The following ZFHX3 variants were observed in gnomAD, a reference collection of about 807,000 sequenced individuals.
ZFHX3 encodes the protein zinc finger homeobox 3.
In ZFHX3, 42 loss-of-function variants were observed where a neutral mutation model predicts 279.1. That is an observed-to-expected ratio of 0.15 (90% CI 0.12 to 0.19). ZFHX3 has a LOEUF of 0.19. ZFHX3 is among the 10% of genes least tolerant of loss of function. The pLI, the probability that ZFHX3 is intolerant of heterozygous loss-of-function variation, is 1.00. For synonymous variants in ZFHX3, 2,293 were observed against 1,957.8 expected, an observed-to-expected ratio of 1.17 and a Z score of -4.52; for missense variants, 4,981 against 4,754.0, an observed-to-expected ratio of 1.05 and a Z score of -1.40.
chr16:73,020,210 T>A (rs994746123), intron 1 of ZFHX3, among the ~76,000 whole-genome samples: 16 of 152,206 alleles, frequency 1.1e-4, no homozygotes, highest in African/African-American at 3.9e-4. Context: ...GGCCTGATTT[T>A]AATTTTTTAA....
At chr16:73,480,176 TC>T (rs2018840056) in intron 2 of ZFHX3, among the ~76,000 whole-genome samples, 1 of 152,102 alleles carries the variant, frequency 6.6e-6, no homozygotes. Context: ...TTTTTTTTTT[TC>T]CTTCAGCATT....
intron 3 of ZFHX3, among the ~76,000 whole-genome samples, chr16:73,381,228 T>C (rs2016813390): frequency 6.6e-6 from 1 of 152,184 alleles, no homozygotes; most frequent in Non-Finnish European, 1.5e-5. Flanking sequence ...AAATAGCTTT[T>C]CTTCCCAGAA....
chr16:73,772,277 C>T (rs1818437), intron 1 of ZFHX3, among the ~76,000 whole-genome samples: 34,746 of 152,142 alleles, frequency 0.23, 4,463 homozygotes, highest in Non-Finnish European at 0.29. Flanking sequence ...TCCACATGGC[C>T]GGGGAGACCT....
intron 3 of ZFHX3, 140 bp from the exon 4 acceptor site, chr16:72,890,102 A>C (rs2038733327): frequency 2.7e-6 from 2 of 742,012 alleles, no homozygotes. Flanking sequence ...ACAGTCTTTG[A>C]TATGGTTTGG....
intron 4 of ZFHX3, among the ~76,000 whole-genome samples, chr16:72,857,765 T>G (rs1286123753): frequency 2.0e-5 from 3 of 152,232 alleles, no homozygotes; most frequent in Admixed American, 2.0e-4. Flanking sequence ...AGGAGTTATT[T>G]TTTCCCAACT....
intron 3 of ZFHX3, among the ~76,000 whole-genome samples, chr16:73,352,474 C>CTTTTTTTT (rs35974156): frequency 1.9e-5 from 1 of 53,256 alleles, no homozygotes; most frequent in Non-Finnish European, 3.4e-5. Flanking sequence ...CTCTCTCTCT[C>CTTTTTTTT]TTTTTTTTTT....
At chr16:72,854,212 C>G (rs779027622) in intron 4 of ZFHX3, among the ~76,000 whole-genome samples, 25 of 152,206 alleles carry the variant, frequency 1.6e-4, no homozygotes, top group Non-Finnish European at 1.3e-4. Context: ...CTCTCCCTCC[C>G]CTGCCTGCTA....
At chr16:73,849,918 A>G (rs1961552454) in intron 1 of ZFHX3, among the ~76,000 whole-genome samples, 1 of 152,050 alleles carries the variant, frequency 6.6e-6, no homozygotes, top group Non-Finnish European at 1.5e-5. Context: ...TTTTTAGTAG[A>G]GGCGGGGTTT....
At chr16:73,806,429 G>T (rs1007414249) in intron 1 of ZFHX3, among the ~76,000 whole-genome samples, 1 of 152,186 alleles carries the variant, frequency 6.6e-6, no homozygotes, top group Non-Finnish European at 1.5e-5. Flanking sequence ...AGATGTGCAA[G>T]GCTCTGAGGT....
chr16:73,645,584 C>T (rs1454416441), intron 2 of ZFHX3, among the ~76,000 whole-genome samples: 1 of 152,124 alleles, frequency 6.6e-6, no homozygotes, highest in Non-Finnish European at 1.5e-5. Flanking sequence ...CTAGTTAGCC[C>T]TTAATAAATA....
rs995029450 is a variant in ZFHX3, at chr16:73,857,678, C to A, written c.-1608+33973G>T. ...TGTAAGTCATAACATGCTGCACTTG[C>A]GCTAGGGTTTTTGTTCTGCCCTTTT... is the stretch of plus-strand genomic sequence containing the variant. On this transcript the variant is annotated intron_variant, in intron 1 of 17. Transcript: ENST00000641206. 2.1e-4 allele frequency among the ~76,000 whole-genome samples: 32 copies of A among 152,130 alleles called. 1 individual carries two copies. The highest frequency in any genetic ancestry group is 2.1e-4 in the South Asian group (1 of 4,814).
intron 4 of ZFHX3, among the ~76,000 whole-genome samples, chr16:72,850,983 G>A (rs947716029): frequency 6.6e-6 from 1 of 152,116 alleles, no homozygotes; most frequent in Admixed American, 6.5e-5. Flanking sequence ...GGGCCCAGGA[G>A]CCTGACTGAG....
At chr16:73,836,152 G>A (rs191573849) in intron 1 of ZFHX3, among the ~76,000 whole-genome samples, 1 of 152,190 alleles carries the variant, frequency 6.6e-6, no homozygotes, top group Non-Finnish European at 1.5e-5. Flanking sequence ...ACTTTAAGTA[G>A]GTTGTCTTCA....
chr16:72,919,942 C>T (rs764804672), intron 3 of ZFHX3, among the ~76,000 whole-genome samples: 8 of 151,540 alleles, frequency 5.3e-5, no homozygotes, highest in Non-Finnish European at 7.4e-5. Flanking sequence ...TACAGGCACC[C>T]GGTACTATGC....
At chr16:73,605,157 C>T (rs967854336) in intron 2 of ZFHX3, among the ~76,000 whole-genome samples, 6 of 152,090 alleles carry the variant, frequency 3.9e-5, no homozygotes, top group Admixed American at 1.3e-4. Flanking sequence ...CGGTGGCGGA[C>T]GTGGTCATTC....
intron 1 of ZFHX3, among the ~76,000 whole-genome samples, chr16:73,713,943 C>T (rs1014650446): frequency 4.6e-5 from 7 of 152,098 alleles, no homozygotes; most frequent in Non-Finnish European, 1.0e-4. Context: ...AGAAGGCTTT[C>T]GCATCAGAAG....
intron 1 of ZFHX3, among the ~76,000 whole-genome samples, chr16:73,798,853 C>T (rs981220210): frequency 6.6e-6 from 1 of 152,162 alleles, no homozygotes; most frequent in African/African-American, 2.4e-5. Flanking sequence ...GCTTGTCCGT[C>T]CCTCCTAGAG....
chr16:73,058,283 AAGAG>A (rs1965610255), intron 1 of ZFHX3, among the ~76,000 whole-genome samples: 1 of 136,630 alleles, frequency 7.3e-6, no homozygotes, highest in African/African-American at 2.7e-5. Context: ...GAGGAAGAAG[AAGAG>A]AAAGAGAAAG....
intron 2 of ZFHX3, among the ~76,000 whole-genome samples, chr16:73,521,353 C>A (rs149643509): frequency 4.5e-4 from 69 of 152,314 alleles, no homozygotes; most frequent in Admixed American, 1.6e-3. Flanking sequence ...GGAATATGAG[C>A]TGCCATTGAT....
Sources: gnomAD v4.1 joint callset for allele counts (sites outside exome capture counted in the v4.1 genomes callset) on GRCh38, gnomAD v4.1.1 for gene constraint, MANE v1.5 for transcripts, NCBI Gene and HGNC (gene_info 2026-07-23, HGNC 2026-07-21) for gene names.